The following SCRIB variants were observed in gnomAD, a reference collection of about 807,000 sequenced individuals.
SCRIB encodes scribble planar cell polarity protein.
In SCRIB, 72 loss-of-function variants were observed where a neutral mutation model predicts 170.0. The ratio of observed to expected loss-of-function variants is 0.42; its 90% CI spans 0.35 to 0.52. SCRIB has a LOEUF of 0.52. Ranked by LOEUF, SCRIB falls within the 20% of genes least tolerant of loss-of-function variation. SCRIB has a pLI of 0.02. For synonymous variants in SCRIB, 1,298 were observed against 1,044.3 expected (o/e 1.24, Z -4.68); for missense variants, 2,475 against 2,338.5 (o/e 1.06, Z -1.20).
intron 9 of SCRIB, among the ~76,000 whole-genome samples, chr8:143,811,693 T>TCCCCAGGC (rs1174419271): frequency 2.6e-5 from 4 of 151,916 alleles, no homozygotes; most frequent in Admixed American, 6.6e-5. Context: ...TCCCTAGGGC[T>TCCCCAGGC]CCCCAGGCCC....
At chr8:143,797,507 A>G (rs1814991886) in intron 24 of SCRIB, among the ~76,000 whole-genome samples, 1 of 152,336 alleles carries the variant, frequency 6.6e-6, no homozygotes, top group East Asian at 1.9e-4. Flanking sequence ...AGCCTATTAT[A>G]TGCTCTCAAA....
At chr8:143,807,724 G>T in intron 15 of SCRIB, 110 bp from the exon 16 acceptor site, 1 of 895,230 alleles carries the variant, frequency 1.1e-6, no homozygotes, top group Non-Finnish European at 1.9e-6. Context: ...ACCACAGCAA[G>T]CTCCCTCGAC....
intron 24 of SCRIB, among the ~76,000 whole-genome samples, chr8:143,799,651 G>A (rs1403929575): frequency 6.6e-6 from 1 of 152,126 alleles, no homozygotes; most frequent in African/African-American, 2.4e-5. Context: ...CAGGCACTGC[G>A]GGTGACCCAT....
rs772094840 is a variant in SCRIB, at chr8:143,808,698, C to T, written c.2026G>A (p.Glu676Lys). 18 of 1,553,172 alleles carry T rather than the reference C, an allele frequency of 1.2e-5. No homozygotes were observed. Among genetic ancestry groups the T allele is most frequent in the Non-Finnish European group, 1.6e-5 (18 of 1,151,816 alleles). ...EGSPQEEEEE[E>K]EEENRAEEEE... The stretch of plus-strand genomic sequence containing the variant: ...TCTTCAGCCCTGTTTTCCTCCTCCT[C>T]CTCTTCCTCCTCCTCCTGAGGACTA... Residue 676 changes from glutamate (E) to lysine (K), a missense_variant, in exon 15 of 37, where the codon GAG becomes AAG. Coordinates refer to ENST00000356994, the MANE Select transcript of SCRIB (RefSeq NM_182706.5).
Position 143,808,774 on chromosome 8 carries a change from G to C in SCRIB, c.1950C>G (p.His650Gln). Reference protein sequence around the residue: ...VAPGGWHNGPHAPWAPRAQKE... With the variant: ...VAPGGWHNGPQAPWAPRAQKE... ...TCTGGGCCCGAGGAGCCCAGGGTGCGTGGGGGCCATTGTGCCAGCCCCCGG... is the reference window on the plus strand; with the variant it reads ...TCTGGGCCCGAGGAGCCCAGGGTGCCTGGGGGCCATTGTGCCAGCCCCCGG... The change falls in exon 15 of 37, where the codon CAC becomes CAG. Residue 650 changes from histidine (H) to glutamine (Q), a missense_variant. By Grantham distance (24) the His-to-Gln change is conservative (BLOSUM62 0). Coordinates refer to ENST00000356994, the MANE Select transcript of SCRIB (RefSeq NM_182706.5). 3.7e-6 allele frequency: 6 copies of C among 1,610,692 alleles called. No individual in the cohort carries two copies. The highest frequency in any genetic ancestry group is 5.1e-6 in the Non-Finnish European group (6 of 1,178,254).
chr8:143,792,228 C>CCCCTGG lies in SCRIB; in HGVS notation c.4505_4506insCCAGGG (p.Arg1502delinsSerGlnGly). The CCCCTGG allele has an allele frequency of 6.4e-7, 1 of 1,562,352 alleles. No homozygotes were observed. The highest frequency in any genetic ancestry group is 8.6e-7 in the Non-Finnish European group (1 of 1,161,580). ...CCCACACAGGGGCTCACCTGGCTGC[C>CCCCTGG]CTCCACAGCGCACGCTTCTCGGCCT... On this transcript the variant is annotated protein_altering_variant, in exon 32 of 37. Transcript: ENST00000356994.
intron 15 of SCRIB, 57 bp from the exon 16 acceptor site, chr8:143,807,671 C>T: frequency 7.6e-7 from 1 of 1,317,788 alleles, no homozygotes; most frequent in Non-Finnish European, 1.1e-6. Flanking sequence ...ACCACCACCA[C>T]CGCCTCACCC....
intron 17 of SCRIB, 98 bp downstream of exon 17, chr8:143,806,826 T>C: frequency 2.3e-6 from 2 of 886,690 alleles, no homozygotes; most frequent in Non-Finnish European, 3.5e-6. Context: ...CCCCAGAGCG[T>C]GTGAGTGTTC....
chr8:143,813,970 A>G (rs1815889863), intron 2 of SCRIB, 31 bp downstream of exon 2: 1 of 1,569,446 alleles, frequency 6.4e-7, no homozygotes, highest in South Asian at 1.2e-5. Context: ...CACTCCCCAG[A>G]CCCCACCCAG....
At chr8:143,807,717 A>G in intron 15 of SCRIB, 103 bp from the exon 16 acceptor site, 1 of 942,652 alleles carries the variant, frequency 1.1e-6, no homozygotes, top group South Asian at 1.3e-5. Flanking sequence ...AGAGGAGACC[A>G]CAGCAAGCTC....
At chr8:143,793,608 G>A (rs570352190) in intron 28 of SCRIB, 4 of 415,188 alleles carry the variant, frequency 9.6e-6, no homozygotes, top group African/African-American at 2.0e-5. Flanking sequence ...GGATAAGGTG[G>A]GCCCTGGGAG....
chr8:143,806,083 G>A (rs901842700), intron 18 of SCRIB, among the ~76,000 whole-genome samples: 3 of 152,116 alleles, frequency 2.0e-5, no homozygotes, highest in African/African-American at 7.2e-5. Context: ...GCCCAGGAGC[G>A]GCCCCTCCTG....
chr8:143,804,033 T>G lies in SCRIB; in HGVS notation c.3120+13A>C. On this transcript the variant is annotated intron_variant, in intron 22 of 36. Coordinates refer to ENST00000356994, the MANE Select transcript of SCRIB (RefSeq NM_182706.5). Reference sequence around the variant, plus strand: ...TGCACCTCTCACAGAACCGCCTGGATGGGCCGCCCTACCTTGGAGATGAAC... The same window carrying G: ...TGCACCTCTCACAGAACCGCCTGGAGGGGCCGCCCTACCTTGGAGATGAAC... The G allele has an allele frequency of 6.3e-7, 1 of 1,598,722 alleles. No homozygotes were observed. Among genetic ancestry groups the G allele is most frequent in the Non-Finnish European group, 8.5e-7 (1 of 1,170,212 alleles).
intron 14 of SCRIB, among the ~76,000 whole-genome samples, chr8:143,809,227 G>A (rs1815589204): frequency 6.6e-6 from 1 of 152,128 alleles, no homozygotes; most frequent in African/African-American, 2.4e-5. Context: ...GACACGCAGC[G>A]CCCCAGGTGG....
chr8:143,806,299 G>A (rs1662455326), intron 18 of SCRIB, 108 bp downstream of exon 18: 3 of 852,602 alleles, frequency 3.5e-6, no homozygotes, highest in East Asian at 2.6e-5. Flanking sequence ...TCCTGTGCTT[G>A]GAACTCTTGG....
Position 143,806,906 on chromosome 8 carries a change from C to T in SCRIB, c.2268+18G>A, listed in dbSNP as rs1554636717. On this transcript the variant is annotated intron_variant, in intron 17 of 36. Transcript: ENST00000356994. ...GCAGGCCAGTGGCAGCGGAAAGGCC[C>T]TCCTAGGCAGTGCTCACCTCGTCGT... 4 of 1,581,798 alleles carry T rather than the reference C, an allele frequency of 2.5e-6. No individual in the cohort carries two copies. The East Asian group carries it at 6.8e-5, about 27-fold the overall frequency.
intron 14 of SCRIB, 140 bp from the exon 15 acceptor site, chr8:143,809,165 G>A (rs1815585441): frequency 2.6e-6 from 3 of 1,161,688 alleles, no homozygotes; most frequent in South Asian, 1.6e-5. Flanking sequence ...GCCCAGTGAG[G>A]GGCGCGTGTC....
chr8:143,798,133 G>A (rs1346809390), intron 24 of SCRIB, among the ~76,000 whole-genome samples: 2 of 152,104 alleles, frequency 1.3e-5, no homozygotes, highest in African/African-American at 4.8e-5. Context: ...GCAGACGCCT[G>A]TAATCCCAGC....
chr8:143,807,700 A>G (rs1815491841), intron 15 of SCRIB, 86 bp from the exon 16 acceptor site: 2 of 1,105,624 alleles, frequency 1.8e-6, no homozygotes, highest in Non-Finnish European at 2.8e-6. Context: ...CCACAAGCAG[A>G]AAGGACAGAG....
Sources: gnomAD v4.1 joint callset for allele counts (sites outside exome capture counted in the v4.1 genomes callset) on GRCh38, gnomAD v4.1.1 for gene constraint, MANE v1.5 for transcripts, NCBI Gene and HGNC (gene_info 2026-07-23, HGNC 2026-07-21) for gene names.